Variants in FAM13A observed in about 807,000 individuals in gnomAD.
FAM13A encodes the protein protein FAM13A.
Under a neutral mutation model 129.6 loss-of-function variants are expected in FAM13A, and 76 were observed. That is an observed-to-expected ratio of 0.59 (90% CI 0.49 to 0.71). The LOEUF is 0.71. FAM13A is among the 30% of genes least tolerant of loss of function. FAM13A has a pLI of 0.00. For missense variants in FAM13A, 1,108 were observed against 1,249.3 expected (o/e 0.89, Z 1.70); for synonymous variants, 443 against 449.9 (o/e 0.98, Z 0.20).
chr4:88,999,245 T>C (rs1763940175), intron 3 of FAM13A, among the ~76,000 whole-genome samples: 1 of 152,146 alleles, frequency 6.6e-6, no homozygotes, highest in African/African-American at 2.4e-5. Context: ...ATTTTGTGAG[T>C]ATTTATTGGG....
intron 6 of FAM13A, among the ~76,000 whole-genome samples, chr4:88,870,576 TG>T (rs1330564410): frequency 1.3e-5 from 2 of 152,168 alleles, no homozygotes; most frequent in Non-Finnish European, 2.9e-5. Context: ...AAAGCCTGGC[TG>T]GGGGAGGGGC....
chr4:88,854,764 C>T (rs538732389), intron 6 of FAM13A, among the ~76,000 whole-genome samples: 4 of 152,252 alleles, frequency 2.6e-5, no homozygotes, highest in South Asian at 4.2e-4. Context: ...TCTGCAAGTG[C>T]GCAGTAGCTC....
At chr4:88,849,917 T>C (rs1737266194) in intron 7 of FAM13A, among the ~76,000 whole-genome samples, 1 of 152,216 alleles carries the variant, frequency 6.6e-6, no homozygotes, top group African/African-American at 2.4e-5. Context: ...ATACCTGTTA[T>C]ACCTCCTAAG....
At chr4:89,043,522 C>A (rs1442524233) in intron 1 of FAM13A, among the ~76,000 whole-genome samples, 1 of 151,954 alleles carries the variant, frequency 6.6e-6, no homozygotes, top group African/African-American at 2.4e-5. Flanking sequence ...TACTAACCTG[C>A]AAAAATTCAT....
intron 7 of FAM13A, among the ~76,000 whole-genome samples, chr4:88,836,111 GT>G (rs1734763308): frequency 6.6e-6 from 1 of 152,048 alleles, no homozygotes; most frequent in Admixed American, 6.6e-5. Context: ...CATATCCAGT[GT>G]TTAACAAAAT....
chr4:88,857,843 A>C (rs1415973806), intron 6 of FAM13A, among the ~76,000 whole-genome samples: 1 of 152,144 alleles, frequency 6.6e-6, no homozygotes, highest in Non-Finnish European at 1.5e-5. Flanking sequence ...CTCATAGAAT[A>C]GCACTTAGCA....
chr4:89,013,541 T>C (rs1766028090), intron 3 of FAM13A, among the ~76,000 whole-genome samples: 1 of 152,126 alleles, frequency 6.6e-6, no homozygotes, highest in Admixed American at 6.6e-5. Context: ...AGGGACTACA[T>C]ATATGACTAT....
At chr4:88,915,287 CGAAA>C (rs1358189973) in intron 5 of FAM13A, among the ~76,000 whole-genome samples, 3 of 151,884 alleles carry the variant, frequency 2.0e-5, no homozygotes, top group Non-Finnish European at 4.4e-5. Flanking sequence ...TCTTAAAACT[CGAAA>C]GAAATATAAT....
chr4:88,827,527 T>C (rs988642911), intron 7 of FAM13A, among the ~76,000 whole-genome samples: 1 of 152,182 alleles, frequency 6.6e-6, no homozygotes, highest in Non-Finnish European at 1.5e-5. Flanking sequence ...ATTAGTATTA[T>C]CAACCCAATC....
At chr4:88,996,144 G>A (rs1763511787) in intron 3 of FAM13A, among the ~76,000 whole-genome samples, 2 of 152,228 alleles carry the variant, frequency 1.3e-5, no homozygotes, top group Admixed American at 6.5e-5. Flanking sequence ...AGCAGGAGAT[G>A]AAGTGGGGAG....
intron 7 of FAM13A, among the ~76,000 whole-genome samples, chr4:88,846,563 G>A (rs1315377861): frequency 6.6e-6 from 1 of 152,170 alleles, no homozygotes; most frequent in African/African-American, 2.4e-5. Flanking sequence ...AGACAGCATT[G>A]GCTTAATAAC....
chr4:88,906,283 G>C, intron 6 of FAM13A, 96 bp downstream of exon 6: 1 of 882,530 alleles, frequency 1.1e-6, no homozygotes. Context: ...GCAAGACTCT[G>C]TCTCAAAACA....
chr4:88,992,409 T>G (rs1763031636), intron 3 of FAM13A, among the ~76,000 whole-genome samples: 1 of 152,046 alleles, frequency 6.6e-6, no homozygotes, highest in Non-Finnish European at 1.5e-5. Flanking sequence ...CGGGATTGAT[T>G]ACAGGTGCAC....
chr4:88,957,190 G>A (rs1243374223), intron 4 of FAM13A, among the ~76,000 whole-genome samples: 1 of 152,166 alleles, frequency 6.6e-6, no homozygotes, highest in African/African-American at 2.4e-5. Context: ...GCTGGGCATG[G>A]AGGCACATGC....
intron 4 of FAM13A, among the ~76,000 whole-genome samples, chr4:88,975,345 G>C (rs1180547196): frequency 7.2e-5 from 11 of 152,104 alleles, no homozygotes; most frequent in African/African-American, 2.4e-4. Flanking sequence ...TTACATAAGT[G>C]CACACACATA....
chr4:88,932,501 T>A (rs1308305747), intron 5 of FAM13A, among the ~76,000 whole-genome samples: 5 of 152,214 alleles, frequency 3.3e-5, no homozygotes, highest in Non-Finnish European at 7.3e-5. Context: ...CAGCACTTAG[T>A]ACAAAGCTTT....
At position 88,907,023 on chromosome 4, in the gene FAM13A, A is replaced by T. The variant is rs192238279; in HGVS notation, c.760-561T>A. Among the ~76,000 whole-genome samples, 319 of 152,382 alleles carry T rather than the reference A, an allele frequency of 2.1e-3. 2 individuals are homozygous for T. Among genetic ancestry groups the T allele is most frequent in the African/African-American group, 7.1e-3 (296 of 41,596 alleles). On this transcript the variant is annotated intron_variant, in intron 5 of 23. Coordinates refer to ENST00000264344, the MANE Select transcript of FAM13A (RefSeq NM_014883.4). ...CCAAGTCCTTGGTTCACACCAAAAGAACATTTGCCAAAATAATGGCAGAAA... is the reference window on the plus strand; with the variant it reads ...CCAAGTCCTTGGTTCACACCAAAAGTACATTTGCCAAAATAATGGCAGAAA...
In FAM13A at chr4:88,732,209, A is replaced by G. The variant is rs1444531381; in HGVS notation, c.2647-11T>C. The G allele has an allele frequency of 6.3e-7, 1 of 1,575,464 alleles. No homozygotes were observed. The highest frequency in any genetic ancestry group is 1.4e-5 in the African/African-American group (1 of 73,540). ...CCCCTCCTCTTCTTCCTGGAGATAC[A>G]CAGCAACCCCAATAAAAATCTGGTC... On this transcript the variant is annotated splice_polypyrimidine_tract_variant and intron_variant, in intron 21 of 23. Coordinates refer to ENST00000264344, the MANE Select transcript of FAM13A (RefSeq NM_014883.4).
At chr4:88,769,088 T>C (rs906001308) in intron 11 of FAM13A, among the ~76,000 whole-genome samples, 89 of 152,216 alleles carry the variant, frequency 5.8e-4, no homozygotes, top group Admixed American at 2.0e-3. Flanking sequence ...AAGTAAATTA[T>C]ACATATATGA....
Sources: allele counts gnomAD v4.1 joint callset (sites outside exome capture counted in the v4.1 genomes callset), GRCh38; gene constraint gnomAD v4.1.1; transcripts MANE v1.5; gene names NCBI Gene and HGNC (gene_info 2026-07-23, HGNC 2026-07-21).